The following CLDN18 variants were observed in gnomAD, a reference collection of about 807,000 sequenced individuals.
CLDN18 encodes the protein claudin 18.
In CLDN18, 20 loss-of-function variants were observed where a neutral mutation model predicts 25.0. The ratio of observed to expected loss-of-function variants is 0.80; its 90% CI spans 0.56 to 1.16. The LOEUF is 1.16. Ranked by LOEUF, CLDN18 falls within the 50% of genes most tolerant of loss-of-function variation. The pLI is 0.00. For synonymous variants in CLDN18, 125 were observed against 135.6 expected (o/e 0.92, Z 0.54); for missense variants, 297 against 345.4 (o/e 0.86, Z 1.11).
chr3:138,007,614 TA>T (rs1942083691), upstream of CLDN18, among the ~76,000 whole-genome samples: 1 of 152,164 alleles, frequency 6.6e-6, no homozygotes, highest in Admixed American at 6.5e-5. Context: ...ATGGCACATG[TA>T]TACCTATGTA....
At chr3:138,008,517 C>T (rs1559803867), upstream of CLDN18, among the ~76,000 whole-genome samples, 1 of 151,660 alleles carries the variant, frequency 6.6e-6, no homozygotes, top group African/African-American at 2.4e-5. Flanking sequence ...GCAGGAGAAT[C>T]GCTTGAACCC....
At chr3:138,015,456 TC>T (rs1197504505) in intron 1 of CLDN18, among the ~76,000 whole-genome samples, 1 of 152,220 alleles carries the variant, frequency 6.6e-6, no homozygotes, top group Non-Finnish European at 1.5e-5. Context: ...GCAATGATTC[TC>T]CCAGAGAGTT....
intron 3 of CLDN18, among the ~76,000 whole-genome samples, chr3:138,025,857 G>A (rs1391914554): frequency 1.3e-5 from 2 of 152,138 alleles, no homozygotes; most frequent in Admixed American, 6.5e-5. Context: ...GGGTGCCTGG[G>A]GTCATTGCCC....
chr3:138,014,145 A>T (rs575526504), intron 1 of CLDN18, among the ~76,000 whole-genome samples: 99 of 152,238 alleles, frequency 6.5e-4, no homozygotes, highest in African/African-American at 2.1e-3. Context: ...AGGTACTTTT[A>T]TTCCGTGTCA....
intron 1 of CLDN18, among the ~76,000 whole-genome samples, chr3:138,018,935 C>T (rs1366989942): frequency 6.6e-6 from 1 of 152,134 alleles, no homozygotes; most frequent in Non-Finnish European, 1.5e-5. Flanking sequence ...AAATTTTCTT[C>T]CCCTCTTGCC....
chr3:138,020,824 G>A (rs1021784356), intron 1 of CLDN18, among the ~76,000 whole-genome samples: 1 of 152,206 alleles, frequency 6.6e-6, no homozygotes, highest in Non-Finnish European at 1.5e-5. Flanking sequence ...TCCAAATTTG[G>A]AGGATACATT....
chr3:138,009,663 C>G (rs1343014180), upstream of CLDN18, among the ~76,000 whole-genome samples: 1 of 152,074 alleles, frequency 6.6e-6, no homozygotes, highest in Non-Finnish European at 1.5e-5. Flanking sequence ...TTGACTCACC[C>G]CCAAAAAATG....
upstream of CLDN18, among the ~76,000 whole-genome samples, chr3:138,009,661 C>A (rs1218717996): frequency 2.0e-5 from 3 of 152,104 alleles, 1 homozygote; most frequent in Admixed American, 2.0e-4. Flanking sequence ...TCTTGACTCA[C>A]CCCCAAAAAA....
chr3:138,024,564 C>A, intron 2 of CLDN18, 43 bp from the exon 3 acceptor site: 1 of 1,181,172 alleles, frequency 8.5e-7, no homozygotes, highest in Middle Eastern at 1.9e-4. Context: ...ACATTGTAAT[C>A]CCTTGAAACT....
chr3:138,029,665 G>T lies in CLDN18; in HGVS notation c.504-132G>T, dbSNP rs1261270443. 6 of 617,258 alleles carry T rather than the reference G, an allele frequency of 9.7e-6. No individual in the cohort carries two copies. The East Asian group carries it at 1.7e-4, about 18-fold the overall frequency. 38.2% of individuals were successfully genotyped at this position (617,258 alleles called of 1,614,324 possible). ...TTGGCTGTGACCCACAGGAATGTGT[G>T]TTCAGGGGCATGGTCAGGGATGGAT... On this transcript the variant is annotated intron_variant, in intron 3 of 4. Coordinates refer to ENST00000183605, the MANE Select transcript of CLDN18 (RefSeq NM_016369.4).
At chr3:138,007,570 C>T (rs868742569), upstream of CLDN18, among the ~76,000 whole-genome samples, 1 of 151,938 alleles carries the variant, frequency 6.6e-6, no homozygotes, top group African/African-American at 2.4e-5. Context: ...GGGAGGGAAC[C>T]TAGATGATGG....
intron 3 of CLDN18, among the ~76,000 whole-genome samples, chr3:138,027,105 T>C (rs532571726): frequency 1.3e-5 from 2 of 152,274 alleles, no homozygotes; most frequent in Non-Finnish European, 2.9e-5. Context: ...CACACACACA[T>C]ACACATACTC....
Position 138,031,637 on chromosome 3 carries a change from A to G in CLDN18, c.*496A>G, listed in dbSNP as rs1227882687. The G allele has an allele frequency of 1.3e-5, 2 of 152,292 alleles. No individual in the cohort carries two copies. Among genetic ancestry groups the G allele is most frequent in the African/African-American group, 4.8e-5 (2 of 41,456 alleles). The allele number at this position is 152,292 out of a possible 1,614,324, so 9.4% of individuals were successfully genotyped here. Reference sequence around the variant, plus strand: ...ATAAACACTTACTGAAGAAGAAGCAATAAGAGAAAGATATTTGTAATCTCT... The same window carrying G: ...ATAAACACTTACTGAAGAAGAAGCAGTAAGAGAAAGATATTTGTAATCTCT... On this transcript the variant is annotated 3_prime_UTR_variant, in exon 5 of 5. Coordinates refer to ENST00000183605, the MANE Select transcript of CLDN18 (RefSeq NM_016369.4).
chr3:138,018,882 T>C (rs565909006), intron 1 of CLDN18, among the ~76,000 whole-genome samples: 1 of 152,342 alleles, frequency 6.6e-6, no homozygotes, highest in East Asian at 1.9e-4. Context: ...TCTTCTCCAC[T>C]ACTTAGATGC....
intron 1 of CLDN18, among the ~76,000 whole-genome samples, chr3:138,012,048 C>T (rs1942141884): frequency 6.6e-6 from 1 of 152,224 alleles, no homozygotes; most frequent in South Asian, 2.1e-4. Flanking sequence ...TGTCTGGGAT[C>T]ATGCCCTGTT....
At chr3:138,026,678 A>G (rs1288035473) in intron 3 of CLDN18, among the ~76,000 whole-genome samples, 1 of 152,126 alleles carries the variant, frequency 6.6e-6, no homozygotes, top group East Asian at 1.9e-4. Context: ...AGAAGGGTTA[A>G]GGGCTGGTTT....
At position 138,024,634 on chromosome 3, in the gene CLDN18, T is replaced by C. The variant is rs753734770; in HGVS notation, c.413T>C (p.Val138Ala). 1.2e-6 allele frequency: 2 copies of C among 1,613,338 alleles called. No homozygotes were observed. The highest frequency in any genetic ancestry group is 2.2e-5 in the South Asian group (2 of 91,070). ...CTTTGTGCAATTGCTGGAGTGTCTG[T>C]GTTTGCCAACATGCTGGTGACTAAC... ...SGLCAIAGVS[V>A]FANMLVTNFW... The change falls in exon 3 of 5, where the codon GTG (valine) becomes GCG (alanine). Residue 138 changes from valine (V) to alanine (A), a missense_variant. Physicochemically the swap from Val to Ala is moderately conservative, Grantham distance 64. Transcript: ENST00000183605.
chr3:138,024,453 T>A (rs1287176783), intron 2 of CLDN18, among the ~76,000 whole-genome samples, 154 bp from the exon 3 acceptor site: 2 of 152,224 alleles, frequency 1.3e-5, no homozygotes, highest in Non-Finnish European at 2.9e-5. Flanking sequence ...ATCACAATAT[T>A]TAGCACATAG....
At chr3:138,015,885 T>G (rs1942197013) in intron 1 of CLDN18, among the ~76,000 whole-genome samples, 1 of 152,240 alleles carries the variant, frequency 6.6e-6, no homozygotes, top group Non-Finnish European at 1.5e-5. Flanking sequence ...TATAGAAGAA[T>G]GTAATTCAAT....
Sources: allele counts gnomAD v4.1 joint callset (sites outside exome capture counted in the v4.1 genomes callset), GRCh38; gene constraint gnomAD v4.1.1; transcripts MANE v1.5; gene names NCBI Gene and HGNC (gene_info 2026-07-23, HGNC 2026-07-21).